Variants in SGMS2 observed in about 807,000 individuals in gnomAD.
SGMS2 encodes the protein phosphatidylcholine:ceramide cholinephosphotransferase 2.
A neutral mutation model predicts 43.8 loss-of-function variants in SGMS2; 21 were observed. The ratio of observed to expected loss-of-function variants is 0.48; its 90% CI spans 0.34 to 0.69. The LOEUF is 0.69. Ranked by LOEUF, SGMS2 falls within the 30% of genes least tolerant of loss-of-function variation. The pLI, the probability that SGMS2 is intolerant of heterozygous loss-of-function variation, is 0.01. For synonymous variants in SGMS2, 167 were observed against 160.6 expected (o/e 1.04, Z -0.30); for missense variants, 384 against 443.2 (o/e 0.87, Z 1.20).
intron 2 of SGMS2, among the ~76,000 whole-genome samples, chr4:107,879,108 A>ATT (rs373759605): frequency 0.39 from 55,410 of 142,090 alleles, 11,173 homozygotes; most frequent in Non-Finnish European, 0.44. Context: ...CTACCTGGCC[A>ATT]TTTTTTTTTT....
chr4:107,867,939 GATAC>G (rs1728252240), intron 2 of SGMS2: 1 of 152,058 alleles, frequency 6.6e-6, no homozygotes, highest in Non-Finnish European at 1.5e-5. Flanking sequence ...TCATTAATAG[GATAC>G]ATAGTCAAAA....
rs529273752 is a variant in SGMS2, at chr4:107,843,940, T to TA, written c.-326-14532_-326-14531insA. ...CCTGGCTGTTATTTCTGCAGTCAGTTTTCTGTCTTATGGTAGAATCTTATT... is the reference window on the plus strand; with the variant it reads ...CCTGGCTGTTATTTCTGCAGTCAGTTATTCTGTCTTATGGTAGAATCTTATT... On this transcript the variant is annotated intron_variant, in intron 1 of 6. Coordinates refer to ENST00000690982, the MANE Select transcript of SGMS2 (RefSeq NM_001375905.1). 1.3e-4 allele frequency among the ~76,000 whole-genome samples: 20 copies of TA among 152,300 alleles called. No homozygotes were observed. In the South Asian group the frequency reaches 3.7e-3, roughly 28 times the overall value.
intron 5 of SGMS2, among the ~76,000 whole-genome samples, chr4:107,907,661 T>G (rs1349763466): frequency 6.6e-6 from 1 of 152,198 alleles, no homozygotes; most frequent in Non-Finnish European, 1.5e-5. Flanking sequence ...CCTTTTGCTA[T>G]TCAATCATCT....
At chr4:107,868,271 C>T (rs1206128764) in intron 2 of SGMS2, among the ~76,000 whole-genome samples, 2 of 152,164 alleles carry the variant, frequency 1.3e-5, no homozygotes, top group Non-Finnish European at 2.9e-5. Context: ...AAGTGGTCAA[C>T]CAACATTTCC....
chr4:107,849,233 C>T (rs1036199884), intron 1 of SGMS2, among the ~76,000 whole-genome samples: 6 of 152,042 alleles, frequency 3.9e-5, no homozygotes, highest in African/African-American at 1.2e-4. Flanking sequence ...CAATGCGTTG[C>T]CTTTCTCCTT....
chr4:107,890,546 G>A (rs1409757647), intron 2 of SGMS2, among the ~76,000 whole-genome samples: 7 of 151,906 alleles, frequency 4.6e-5, no homozygotes, highest in Non-Finnish European at 1.0e-4. Flanking sequence ...GTGGTGGTAC[G>A]TGCGTGTAAT....
chr4:107,876,721 C>A, intron 2 of SGMS2, among the ~76,000 whole-genome samples: 1 of 151,980 alleles, frequency 6.6e-6, no homozygotes, highest in Middle Eastern at 3.4e-3. Flanking sequence ...GAGAACTATT[C>A]TTTTTTTTCA....
At chr4:107,907,868 T>C (rs1731716967) in intron 5 of SGMS2, 1 of 152,198 alleles carries the variant, frequency 6.6e-6, no homozygotes, top group African/African-American at 2.4e-5. Context: ...GACCATCATG[T>C]TTAAACCAGT....
chr4:107,883,726 G>C (rs1280322576), intron 2 of SGMS2, among the ~76,000 whole-genome samples: 1 of 152,098 alleles, frequency 6.6e-6, no homozygotes, highest in Non-Finnish European at 1.5e-5. Flanking sequence ...TGTAACTGTT[G>C]AAAATATGCT....
intron 2 of SGMS2, among the ~76,000 whole-genome samples, chr4:107,882,010 T>C (rs1460659290): frequency 1.3e-5 from 2 of 152,224 alleles, no homozygotes; most frequent in African/African-American, 4.8e-5. Context: ...CATCCATCCA[T>C]CAGTGGACAC....
intron 2 of SGMS2, among the ~76,000 whole-genome samples, chr4:107,866,382 ATGGCAAAACCC>A (rs1345188058): frequency 6.6e-6 from 1 of 152,110 alleles, no homozygotes; most frequent in Non-Finnish European, 1.5e-5. Flanking sequence ...CCTGGCTAAC[ATGGCAAAACCC>A]TGTCTCTACT....
chr4:107,899,454 T>A (rs1006932486), intron 3 of SGMS2, 121 bp from the exon 4 acceptor site: 10 of 640,554 alleles, frequency 1.6e-5, no homozygotes, highest in Non-Finnish European at 2.7e-5. Flanking sequence ...AAACTGTGGT[T>A]TGTTTGTTAA....
In SGMS2 at chr4:107,908,627, A is replaced by G. The variant is rs1282888509; in HGVS notation, c.790A>G (p.Ile264Val). The G allele has an allele frequency of 4.3e-6, 7 of 1,614,092 alleles. No individual in the cohort carries two copies. Among genetic ancestry groups the G allele is most frequent in the Non-Finnish European group, 5.9e-6 (7 of 1,179,982 alleles). The change falls in exon 6 of 7, where the codon ATC becomes GTC. Residue 264 changes from isoleucine to valine, a missense_variant. Coordinates refer to ENST00000690982, the MANE Select transcript of SGMS2 (RefSeq NM_001375905.1). ...ICWLLSAAGIICILVAHEHYT... is the reference protein window; with the variant it reads ...ICWLLSAAGIVCILVAHEHYT... The stretch of plus-strand genomic sequence containing the variant: ...CTGGCTGCTGAGTGCTGCCGGGATC[A>G]TCTGCATTCTTGTAGCACACGAACA...
At chr4:107,896,031 G>A in intron 3 of SGMS2, 23 bp downstream of exon 3, 1 of 1,591,792 alleles carries the variant, frequency 6.3e-7, no homozygotes, top group Admixed American at 1.7e-5. Flanking sequence ...AATGTTTTGA[G>A]GATTTGTCAT....
chr4:107,898,635 A>G (rs1578645840), intron 3 of SGMS2, among the ~76,000 whole-genome samples: 1 of 152,260 alleles, frequency 6.6e-6, no homozygotes, highest in South Asian at 2.1e-4. Flanking sequence ...CTAACTATAC[A>G]ACAGAAAAGG....
At chr4:107,843,911 G>A (rs2126002710) in intron 1 of SGMS2, among the ~76,000 whole-genome samples, 1 of 152,218 alleles carries the variant, frequency 6.6e-6, no homozygotes, top group East Asian at 1.9e-4. Context: ...ATTATTTTTG[G>A]GGACCTGGCT....
intron 4 of SGMS2, among the ~76,000 whole-genome samples, chr4:107,901,865 T>C (rs1339916923): frequency 6.6e-6 from 1 of 151,846 alleles, no homozygotes; most frequent in Non-Finnish European, 1.5e-5. Flanking sequence ...GAGCTATCCC[T>C]CATCTTGGCC....
chr4:107,845,387 T>C (rs779323932), intron 1 of SGMS2, among the ~76,000 whole-genome samples: 3 of 152,200 alleles, frequency 2.0e-5, no homozygotes, highest in Non-Finnish European at 2.9e-5. Flanking sequence ...AAAACAGGGT[T>C]ACTGAGAAGC....
intron 2 of SGMS2, among the ~76,000 whole-genome samples, chr4:107,868,391 A>G (rs1170681945): frequency 6.6e-6 from 1 of 152,228 alleles, no homozygotes; most frequent in East Asian, 1.9e-4. Context: ...TTGAAGAGCA[A>G]TAATGCCTTT....
Sources: gnomAD v4.1 joint callset for allele counts (sites outside exome capture counted in the v4.1 genomes callset) on GRCh38, gnomAD v4.1.1 for gene constraint, MANE v1.5 for transcripts, NCBI Gene and HGNC (gene_info 2026-07-23, HGNC 2026-07-21) for gene names.